Variants in OCA2 observed in about 807,000 individuals in gnomAD.
OCA2 encodes OCA2 melanosomal transmembrane protein.
OCA2 carries 77 observed loss-of-function variants against 100.2 expected under a neutral mutation model. The observed-to-expected ratio is 0.77, with a 90% CI of 0.64 to 0.93. The LOEUF (loss-of-function observed/expected upper bound fraction) is 0.93. Among genes scored for constraint, OCA2 ranks in the 40% least tolerant of loss-of-function variants. The pLI, the probability that OCA2 is intolerant of heterozygous loss-of-function variation, is 0.00. For synonymous variants in OCA2, 432 were observed against 439.2 expected (o/e 0.98, Z 0.21); for missense variants, 1,062 against 1,089.1 (o/e 0.98, Z 0.35).
chr15:27,815,045 G>A (rs2201874), intron 23 of OCA2, among the ~76,000 whole-genome samples: 89,622 of 151,920 alleles, frequency 0.59, 26,871 homozygotes, highest in South Asian at 0.77. Flanking sequence ...GCAGCACCCC[G>A]AGGGAGAGCA....
At chr15:27,837,785 C>T (rs1392693590) in intron 23 of OCA2, among the ~76,000 whole-genome samples, 1 of 150,876 alleles carries the variant, frequency 6.6e-6, no homozygotes, top group Non-Finnish European at 1.5e-5. Flanking sequence ...CCCATCAAAG[C>T]CTGGCAGGGG....
intron 18 of OCA2, among the ~76,000 whole-genome samples, chr15:27,927,050 C>T (rs542009451): frequency 6.6e-6 from 1 of 152,242 alleles, no homozygotes; most frequent in East Asian, 1.9e-4. Context: ...AGCACTTTGG[C>T]AGGCCCAGGC....
intron 23 of OCA2, among the ~76,000 whole-genome samples, chr15:27,756,883 C>T (rs1472269671): frequency 6.6e-6 from 1 of 152,170 alleles, no homozygotes; most frequent in Non-Finnish European, 1.5e-5. Flanking sequence ...GTGGTTTTGC[C>T]GTGCTCCCAA....
chr15:27,792,948 C>T (rs1006097584), intron 23 of OCA2, among the ~76,000 whole-genome samples: 6 of 152,214 alleles, frequency 3.9e-5, no homozygotes, highest in Admixed American at 2.6e-4. Context: ...CGAGTGCTGG[C>T]GTCCAGCACA....
intron 19 of OCA2, among the ~76,000 whole-genome samples, chr15:27,884,279 G>A (rs1355838524): frequency 6.6e-6 from 1 of 152,312 alleles, no homozygotes; most frequent in Non-Finnish European, 1.5e-5. Flanking sequence ...AGAGGCTGAG[G>A]TGGGATGACT....
chr15:28,009,684 T>TCACACACACA (rs747425942), intron 9 of OCA2, among the ~76,000 whole-genome samples: 122 of 138,106 alleles, frequency 8.8e-4, no homozygotes, highest in Middle Eastern at 7.2e-3. Context: ...CGAGATTCTG[T>TCACACACACA]CACACACACA....
At chr15:27,865,543 G>T (rs1236980676) in intron 21 of OCA2, among the ~76,000 whole-genome samples, 3 of 152,190 alleles carry the variant, frequency 2.0e-5, no homozygotes, top group Non-Finnish European at 4.4e-5. Context: ...CTCTCCTGAT[G>T]CATTTTCATG....
At chr15:27,771,601 G>C (rs1185150657) in intron 23 of OCA2, among the ~76,000 whole-genome samples, 2 of 152,160 alleles carry the variant, frequency 1.3e-5, no homozygotes, top group Non-Finnish European at 2.9e-5. Flanking sequence ...ATGGGCGTGG[G>C]AGATCCCAAA....
chr15:27,818,416 T>A (rs1196193933), intron 23 of OCA2, among the ~76,000 whole-genome samples: 1 of 152,102 alleles, frequency 6.6e-6, no homozygotes, highest in Non-Finnish European at 1.5e-5. Flanking sequence ...ATAAATTACA[T>A]TAAATATCAT....
chr15:28,074,981 A>C (rs759264917), intron 2 of OCA2, among the ~76,000 whole-genome samples: 25 of 152,242 alleles, frequency 1.6e-4, no homozygotes, highest in Non-Finnish European at 1.5e-5. Flanking sequence ...CTATAAGCAA[A>C]ATATAAATAA....
At chr15:27,852,688 A>G (rs1327630539) in intron 21 of OCA2, among the ~76,000 whole-genome samples, 7 of 151,488 alleles carry the variant, frequency 4.6e-5, no homozygotes, top group East Asian at 1.9e-4. Context: ...CAAAGGGCTA[A>G]TATCCAGAAT....
chr15:28,034,856 T>A (rs907709849), intron 2 of OCA2, among the ~76,000 whole-genome samples: 1 of 152,106 alleles, frequency 6.6e-6, no homozygotes. Context: ...TGAGATTGGC[T>A]TTTTAACTCA....
intron 1 of OCA2, among the ~76,000 whole-genome samples, chr15:28,082,993 T>C (rs1443589550): frequency 2.0e-5 from 3 of 152,226 alleles, no homozygotes; most frequent in Non-Finnish European, 4.4e-5. Context: ...TGCAGCCACT[T>C]GGTTTGCTGT....
intron 14 of OCA2, among the ~76,000 whole-genome samples, chr15:27,970,682 G>C (rs970277426): frequency 6.7e-6 from 1 of 149,932 alleles, no homozygotes; most frequent in Non-Finnish European, 1.5e-5. Context: ...TACGCAGTAC[G>C]GCAGGGAAAG....
At chr15:27,828,565 G>T (rs2034823788) in intron 23 of OCA2, among the ~76,000 whole-genome samples, 1 of 152,196 alleles carries the variant, frequency 6.6e-6, no homozygotes, top group South Asian at 2.1e-4. Context: ...TTCTTTGTAA[G>T]TTCTTGAGGT....
At chr15:27,905,710 G>A (rs1030571364) in intron 19 of OCA2, among the ~76,000 whole-genome samples, 12 of 152,224 alleles carry the variant, frequency 7.9e-5, no homozygotes, top group Non-Finnish European at 1.6e-4. Flanking sequence ...GCAGAAGAGC[G>A]CCAGGAATCC....
chr15:27,983,017 C>A (rs1210557725), intron 14 of OCA2, among the ~76,000 whole-genome samples: 1 of 152,194 alleles, frequency 6.6e-6, no homozygotes, highest in African/African-American at 2.4e-5. Flanking sequence ...TGAGAGGGAA[C>A]AGGTCATTTT....
rs187071503 is a variant in OCA2, at chr15:27,897,156, C to T, written c.2080-25234G>A. On this transcript the variant is annotated intron_variant, in intron 19 of 23. Coordinates refer to ENST00000354638, the MANE Select transcript of OCA2 (RefSeq NM_000275.3). ...AGTGAGACGAGACGGTGCCACTACA[C>T]CCTAGCCTGGGCGACAGAGCAAGAC... Among the ~76,000 whole-genome samples the T allele has an allele frequency of 2.6e-3, 398 of 150,992 alleles. 1 individual carries two copies. The highest frequency in any genetic ancestry group is 9.0e-3 in the African/African-American group (370 of 40,904).
chr15:28,063,869 T>C (rs887132109), intron 2 of OCA2, among the ~76,000 whole-genome samples: 2 of 152,194 alleles, frequency 1.3e-5, no homozygotes, highest in East Asian at 1.9e-4. Flanking sequence ...TGTTTTCCTA[T>C]ACAGATTTCT....
Sources: allele counts gnomAD v4.1 joint callset (sites outside exome capture counted in the v4.1 genomes callset), GRCh38; gene constraint gnomAD v4.1.1; transcripts MANE v1.5; gene names NCBI Gene and HGNC (gene_info 2026-07-23, HGNC 2026-07-21).